Variants in AKAP13 observed in about 807,000 individuals in gnomAD.
AKAP13 encodes A-kinase anchor protein 13.
A neutral mutation model predicts 264.5 loss-of-function variants in AKAP13; 80 were observed. The observed-to-expected ratio is 0.30, with a 90% CI of 0.25 to 0.36. The LOEUF is 0.36. Among genes scored for constraint, AKAP13 ranks in the 10% least tolerant of loss-of-function variants. AKAP13 has a pLI of 1.00. For missense variants in AKAP13, 3,712 were observed against 3,435.2 expected, an observed-to-expected ratio of 1.08 and a Z score of -2.01; for synonymous variants, 1,380 against 1,250.2, an observed-to-expected ratio of 1.10 and a Z score of -2.19.
chr15:85,483,494 C>T (rs1362556844), intron 1 of AKAP13, among the ~76,000 whole-genome samples: 7 of 149,450 alleles, frequency 4.7e-5, no homozygotes, highest in Admixed American at 1.3e-4. Flanking sequence ...GTTGCGGTGG[C>T]GGGCGCCTGT....
intron 9 of AKAP13, among the ~76,000 whole-genome samples, chr15:85,643,199 A>ATTT (rs10674019): frequency 0.037 from 5,343 of 145,550 alleles, 223 homozygotes; most frequent in Admixed American, 0.13. Context: ...TTCCTATGGC[A>ATTT]TTTTTTTTTT....
rs148234814 is a variant in AKAP13 at position 85,535,572 on chromosome 15, A to C, written c.478+1692A>C. 5 of 152,122 alleles carry C rather than the reference A, an allele frequency of 3.3e-5. 1 individual carries two copies. The highest frequency in any genetic ancestry group is 6.5e-5 in the Admixed American group (1 of 15,274). The allele number at this position is 152,122 out of a possible 1,614,324, so 9.4% of individuals were successfully genotyped here. On this transcript the variant is annotated intron_variant, in intron 4 of 36. Transcript: ENST00000394518. ...GGCCTTAATACCTCTAGCTCCTCCT[A>C]TTTCTGTATTGATACAGGAATGTTT... is the stretch of plus-strand genomic sequence containing the variant.
At chr15:85,426,955 G>GTTTTTTTTTTTTTT (rs71468105) in intron 1 of AKAP13, among the ~76,000 whole-genome samples, 2 of 125,094 alleles carry the variant, frequency 1.6e-5, no homozygotes, top group African/African-American at 3.0e-5. Flanking sequence ...GTTTTGTTTT[G>GTTTTTTTTTTTTTT]TTTTTTTTTT....
chr15:85,544,570 C>T (rs760793010), intron 5 of AKAP13, among the ~76,000 whole-genome samples: 1 of 152,136 alleles, frequency 6.6e-6, no homozygotes, highest in Non-Finnish European at 1.5e-5. Context: ...TATGTCCTGA[C>T]TCTTTAAAGA....
chr15:85,680,312 T>G (rs903859615), intron 14 of AKAP13, among the ~76,000 whole-genome samples: 1 of 152,182 alleles, frequency 6.6e-6, no homozygotes, highest in Non-Finnish European at 1.5e-5. Context: ...TCTTGATTTT[T>G]TTTTTAAGTA....
chr15:85,740,524 A>C (rs1597239207), intron 34 of AKAP13: 2 of 491,652 alleles, frequency 4.1e-6, no homozygotes, highest in Non-Finnish European at 3.6e-6. Flanking sequence ...GCATGCTAAC[A>C]TGCATCTGGG....
chr15:85,487,705 A>G (rs11631028), intron 2 of AKAP13, among the ~76,000 whole-genome samples: 22,640 of 150,056 alleles, frequency 0.15, 2,057 homozygotes, highest in Middle Eastern at 0.23. Flanking sequence ...AGCTAGGACT[A>G]CAGATGTGCG....
In AKAP13 at chr15:85,508,451, A is replaced by G. The variant is rs576216361; in HGVS notation, c.34-12977A>G. 7.3e-5 allele frequency among the ~76,000 whole-genome samples: 11 copies of G among 151,622 alleles called. No individual in the cohort carries two copies. The South Asian group carries it at 2.3e-3, about 32-fold the overall frequency. ...CGCTATCGTGCCTGGCCTTGTGTAG[A>G]TTTTTTTAAAGGTAAGGGGTTGAAG... On this transcript the variant is annotated intron_variant, in intron 2 of 36. Transcript: ENST00000394518.
intron 2 of AKAP13, among the ~76,000 whole-genome samples, chr15:85,492,958 A>T: frequency 6.6e-6 from 1 of 152,174 alleles, no homozygotes; most frequent in South Asian, 2.1e-4. Flanking sequence ...CATATAAGAG[A>T]TGGTATGAGT....
chr15:85,575,220 A>G lies in AKAP13; in HGVS notation c.752A>G (p.Asp251Gly). The G allele has an allele frequency of 1.2e-6, 2 of 1,614,164 alleles. No individual in the cohort carries two copies. The highest frequency in any genetic ancestry group is 1.7e-6 in the Non-Finnish European group (2 of 1,180,026). The change falls in exon 6 of 37, where the codon GAC (aspartate) becomes GGC (glycine). Residue 251 changes from aspartate (D) to glycine (G), a missense_variant. Coordinates refer to ENST00000394518, the MANE Select transcript of AKAP13 (RefSeq NM_007200.5). Reference protein sequence around the residue: ...DCSVRHHRELDIYTLTSESDS... With the variant: ...DCSVRHHRELGIYTLTSESDS... ...TCTGTGAGGCATCATCGAGAGTTGG[A>G]CATCTATACATTAACCTCTGAGTCT...
intron 1 of AKAP13, among the ~76,000 whole-genome samples, chr15:85,384,925 T>C (rs868835457): frequency 3.0e-4 from 46 of 152,196 alleles, no homozygotes; most frequent in African/African-American, 1.1e-3. Flanking sequence ...CGTGATTGTA[T>C]GAACATTTGT....
At chr15:85,671,447 AAAAAAAAAAAAGAG>A (rs1288268392) in intron 14 of AKAP13, among the ~76,000 whole-genome samples, 176 of 148,926 alleles carry the variant, frequency 1.2e-3, no homozygotes, top group Non-Finnish European at 2.1e-3. Flanking sequence ...AAAAAAAAAA[AAAAAAAAAAAAGAG>A]AGAGAGAGAA....
At chr15:85,716,628 CT>C (rs1283067112) in intron 20 of AKAP13, among the ~76,000 whole-genome samples, 2 of 152,190 alleles carry the variant, frequency 1.3e-5, no homozygotes, top group Non-Finnish European at 2.9e-5. Flanking sequence ...CAAAAGTCTC[CT>C]TTTGTTTGTA....
intron 34 of AKAP13, 22 bp from the exon 35 acceptor site, chr15:85,741,024 C>T (rs558379073): frequency 2.1e-5 from 34 of 1,585,326 alleles, no homozygotes; most frequent in South Asian, 2.3e-5. Context: ...AGTTGCAGGG[C>T]TCCCCTCTGT....
chr15:85,532,637 T>C (rs1414574086), intron 3 of AKAP13, among the ~76,000 whole-genome samples: 1 of 152,146 alleles, frequency 6.6e-6, no homozygotes, highest in Non-Finnish European at 1.5e-5. Context: ...ACAGGGGAAA[T>C]AGTGTTCATT....
intron 1 of AKAP13, among the ~76,000 whole-genome samples, chr15:85,458,525 C>A (rs1596246134): frequency 6.6e-6 from 1 of 150,682 alleles, no homozygotes; most frequent in Admixed American, 6.6e-5. Context: ...TTAAAATAAT[C>A]ATTCTCCTAA....
intron 1 of AKAP13, among the ~76,000 whole-genome samples, chr15:85,446,673 G>C (rs974540041): frequency 6.6e-6 from 1 of 150,842 alleles, no homozygotes. Context: ...ATGCCTTTTC[G>C]TCTTCCCCGC....
At chr15:85,487,487 G>A (rs1280691213) in intron 2 of AKAP13, among the ~76,000 whole-genome samples, 1 of 152,174 alleles carries the variant, frequency 6.6e-6, no homozygotes, top group Admixed American at 6.5e-5. Flanking sequence ...ATTTTGTCAG[G>A]TGATCTTTCT....
chr15:85,662,389 A>G (rs765169473), intron 12 of AKAP13: 5 of 1,613,938 alleles, frequency 3.1e-6, no homozygotes, highest in Admixed American at 3.3e-5. Context: ...CATCCCCAGT[A>G]TGAGCTGGTG....
Sources: gnomAD v4.1 joint callset for allele counts (sites outside exome capture counted in the v4.1 genomes callset) on GRCh38, gnomAD v4.1.1 for gene constraint, MANE v1.5 for transcripts, NCBI Gene and HGNC (gene_info 2026-07-23, HGNC 2026-07-21) for gene names.